Variants in HMGCS2 observed in about 807,000 individuals in gnomAD.
The protein encoded by HMGCS2 is 3-hydroxy-3-methylglutaryl-CoA synthase 2, also known as hydroxymethylglutaryl-CoA synthase, mitochondrial.
In HMGCS2, 50 loss-of-function variants were observed where a neutral mutation model predicts 57.4. The observed-to-expected ratio is 0.87, with a 90% CI of 0.69 to 1.10. HMGCS2 has a LOEUF of 1.10. Among genes scored for constraint, HMGCS2 ranks in the 50% least tolerant of loss-of-function variants. HMGCS2 has a pLI of 0.00. For missense variants in HMGCS2, 627 were observed against 636.5 expected, an observed-to-expected ratio of 0.99 and a Z score of 0.16; for synonymous variants, 254 against 245.1, an observed-to-expected ratio of 1.04 and a Z score of -0.34.
chr1:119,767,835 G>T (rs1442676870), intron 1 of HMGCS2, among the ~76,000 whole-genome samples: 3 of 152,148 alleles, frequency 2.0e-5, no homozygotes, highest in Non-Finnish European at 4.4e-5. Flanking sequence ...ATCCTGAGCT[G>T]GGACATTTAA....
intron 1 of HMGCS2, 70 bp downstream of exon 1, chr1:119,768,671 G>C: frequency 1.7e-6 from 2 of 1,179,324 alleles, no homozygotes; most frequent in African/African-American, 1.5e-5. Flanking sequence ...GGATTCTAGT[G>C]AGTTTTCCCC....
rs770584941 is a variant in HMGCS2 at position 119,752,673 on chromosome 1, G to C, written c.1296C>G (p.Gly432=). Residue 432 remains glycine (G), a splice_region_variant and synonymous_variant, in exon 8 of 10, where the codon GGC becomes GGG. Coordinates refer to ENST00000369406, the MANE Select transcript of HMGCS2 (RefSeq NM_005518.4). ...TGGACACCAACTTGTCCAGGGGAGA[G>C]CCTGGGAAGCAAAAGCAAGATTGTT... The part of the protein sequence containing the change: ...SFRVSQDAAP[G]SPLDKLVSST... The C allele has an allele frequency of 6.2e-7, 1 of 1,614,002 alleles. No homozygotes were observed. Among genetic ancestry groups the C allele is most frequent in the Non-Finnish European group, 8.5e-7 (1 of 1,179,922 alleles).
At chr1:119,752,964 T>C (rs1652712537) in intron 7 of HMGCS2, among the ~76,000 whole-genome samples, 1 of 152,198 alleles carries the variant, frequency 6.6e-6, no homozygotes, top group Non-Finnish European at 1.5e-5. Flanking sequence ...CTCAAATCCA[T>C]CAACTTCTCT....
chr1:119,764,240 T>C lies in HMGCS2; in HGVS notation c.491A>G (p.Asn164Ser), dbSNP rs1289541397. 9.3e-6 allele frequency: 15 copies of C among 1,614,078 alleles called. No homozygotes were observed. The East Asian group carries it at 3.1e-4, about 34-fold the overall frequency. Residue 164 changes from asparagine (N) to serine (S), a missense_variant, in exon 2 of 10, where the codon AAT becomes AGT. Asn to Ser is a conservative substitution (Grantham distance 46). Coordinates refer to ENST00000369406, the MANE Select transcript of HMGCS2 (RefSeq NM_005518.4). ...GGAGGCAGTACCACCGTAGCAGGCA[T>C]TGGTGGTATCTATGCCCTCAATATC... The part of the protein sequence containing the change: ...NTDIEGIDTT[N>S]ACYGGTASLF...
chr1:119,759,628 C>T (rs587692609), intron 3 of HMGCS2, among the ~76,000 whole-genome samples: 24 of 152,330 alleles, frequency 1.6e-4, no homozygotes, highest in East Asian at 1.5e-3. Flanking sequence ...CTGCACCACT[C>T]ATTCCATGCA....
chr1:119,751,589 G>T (rs1652662646), intron 8 of HMGCS2, among the ~76,000 whole-genome samples: 1 of 151,272 alleles, frequency 6.6e-6, no homozygotes, highest in Non-Finnish European at 1.5e-5. Flanking sequence ...TATATTTTTA[G>T]TAGAGATGGG....
Position 119,759,292 on chromosome 1 carries a change from C to T in HMGCS2, c.686-10G>A. The stretch of plus-strand genomic sequence containing the variant: ...TGGGTTCCCCTCAGCCCTGGAAAGG[C>T]ACACAAAGTGTTTCAGAGACTACAC... On this transcript the variant is annotated splice_polypyrimidine_tract_variant and intron_variant, in intron 3 of 9. Transcript: ENST00000369406. 1.2e-6 allele frequency: 2 copies of T among 1,613,262 alleles called. No individual in the cohort carries two copies. The highest frequency in any genetic ancestry group is 1.7e-6 in the Non-Finnish European group (2 of 1,179,662).
At chr1:119,759,757 C>T (rs1652973411) in intron 3 of HMGCS2, 107 bp downstream of exon 3, 1 of 1,395,812 alleles carries the variant, frequency 7.2e-7, no homozygotes, top group Non-Finnish European at 1.0e-6. Context: ...CAATACCATC[C>T]TCAAACGCAT....
chr1:119,761,619 G>A (rs1039157195), intron 2 of HMGCS2, among the ~76,000 whole-genome samples: 19 of 152,022 alleles, frequency 1.2e-4, no homozygotes, highest in African/African-American at 4.3e-4. Context: ...CAAAAAATGA[G>A]CCGGGTGTGG....
At chr1:119,767,720 A>G (rs915969080) in intron 1 of HMGCS2, among the ~76,000 whole-genome samples, 3 of 152,230 alleles carry the variant, frequency 2.0e-5, no homozygotes, top group African/African-American at 4.8e-5. Flanking sequence ...GGGAGTCAGA[A>G]TGTTGGGGAG....
In HMGCS2 at chr1:119,750,784, A is replaced by C; in HGVS notation, c.*5+13T>G. On this transcript the variant is annotated intron_variant, in intron 9 of 9. Transcript: ENST00000369406. ...AGGGTTTTATGCCACCAACTCTGCA[A>C]ACTCTCACTCACCACCTTTAGACGG... 1 of 1,575,066 alleles carries C rather than the reference A, an allele frequency of 6.3e-7. No individual in the cohort carries two copies. The highest frequency in any genetic ancestry group is 8.7e-7 in the Non-Finnish European group (1 of 1,144,536).
At chr1:119,762,448 TAA>T (rs11341631) in intron 2 of HMGCS2, among the ~76,000 whole-genome samples, 30 of 149,464 alleles carry the variant, frequency 2.0e-4, no homozygotes, top group Admixed American at 1.0e-3. Context: ...TATTTTCATT[TAA>T]AAAAAAAAAC....
chr1:119,753,257 C>A (rs1161966661), intron 7 of HMGCS2, 23 bp downstream of exon 7: 1 of 1,399,752 alleles, frequency 7.1e-7, no homozygotes, highest in Non-Finnish European at 1.0e-6. Flanking sequence ...GTCAGGAAGG[C>A]CTACTAGAAA....
At chr1:119,764,117 T>C in intron 2 of HMGCS2, 55 bp downstream of exon 2, 5 of 1,533,506 alleles carry the variant, frequency 3.3e-6, no homozygotes, top group Non-Finnish European at 3.6e-6. Context: ...AAACTGGTAA[T>C]ATTCAGCCTC....
In HMGCS2 at chr1:119,764,478, T is replaced by G. The variant is rs776664327; in HGVS notation, c.253A>C (p.Thr85Pro). 14 of 1,612,520 alleles carry G rather than the reference T, an allele frequency of 8.7e-6. No homozygotes were observed. ...KYNNVEAGKY[T>P]VGLGQTRMGF... ...ATACGGGTCTGGCCCAAGCCCACTGTATACTTTCCTGCTTCCACATTGTTA... is the reference window on the plus strand; with the variant it reads ...ATACGGGTCTGGCCCAAGCCCACTGGATACTTTCCTGCTTCCACATTGTTA... The change falls in exon 2 of 10, where the codon ACA becomes CCA. Residue 85 changes from threonine to proline, a missense_variant. By Grantham distance (38) the Thr-to-Pro change is conservative (BLOSUM62 -1). Coordinates refer to ENST00000369406, the MANE Select transcript of HMGCS2 (RefSeq NM_005518.4).
At chr1:119,759,491 C>T (rs1652963064) in intron 3 of HMGCS2, 1 of 617,574 alleles carries the variant, frequency 1.6e-6, no homozygotes, top group African/African-American at 1.8e-5. Context: ...CTTTCCTCAC[C>T]TACATGGGCT....
intron 2 of HMGCS2, among the ~76,000 whole-genome samples, chr1:119,760,472 CTGAG>C (rs1267460866): frequency 6.6e-6 from 1 of 152,168 alleles, no homozygotes; most frequent in Non-Finnish European, 1.5e-5. Context: ...TCCTGAGAGA[CTGAG>C]TAACTAGTGT....
At chr1:119,766,944 A>G (rs908504776) in intron 1 of HMGCS2, among the ~76,000 whole-genome samples, 2 of 152,086 alleles carry the variant, frequency 1.3e-5, no homozygotes, top group Non-Finnish European at 2.9e-5. Context: ...TGCTTTCTCT[A>G]AAGAATGATC....
intron 3 of HMGCS2, chr1:119,759,564 A>G (rs1420711183): frequency 1.7e-6 from 1 of 574,908 alleles, no homozygotes; most frequent in Non-Finnish European, 3.1e-6. Flanking sequence ...ATATCCAGTT[A>G]TATATTTTAA....
Sources: gnomAD v4.1 joint callset for allele counts (sites outside exome capture counted in the v4.1 genomes callset) on GRCh38, gnomAD v4.1.1 for gene constraint, MANE v1.5 for transcripts, NCBI Gene and HGNC (gene_info 2026-07-23, HGNC 2026-07-21) for gene names.